Variants in PIBF1 observed in about 807,000 individuals in gnomAD.
The protein encoded by PIBF1 is progesterone immunomodulatory binding factor 1.
In PIBF1, 90 loss-of-function variants were observed where a neutral mutation model predicts 112.5. The observed-to-expected ratio is 0.80, with a 90% CI of 0.67 to 0.95. PIBF1 has a LOEUF of 0.95. PIBF1 is among the 40% of genes least tolerant of loss of function. PIBF1 has a pLI of 0.00. For synonymous variants in PIBF1, 301 were observed against 288.6 expected, an observed-to-expected ratio of 1.04 and a Z score of -0.44; for missense variants, 915 against 852.3, an observed-to-expected ratio of 1.07 and a Z score of -0.92.
intron 5 of PIBF1, among the ~76,000 whole-genome samples, chr13:72,809,578 G>GTTTTTTTTTTTT (rs976000443): frequency 7.2e-6 from 1 of 138,492 alleles, no homozygotes; most frequent in Non-Finnish European, 1.6e-5. Flanking sequence ...TTAATAGAAG[G>GTTTTTTTTTTTT]TTTTTTTTTG....
chr13:72,798,316 C>T (rs2035297916), intron 5 of PIBF1, among the ~76,000 whole-genome samples: 1 of 152,242 alleles, frequency 6.6e-6, no homozygotes, highest in Non-Finnish European at 1.5e-5. Context: ...CTGAAAATTG[C>T]TGTGTATCCT....
At chr13:72,979,457 G>A (rs753166587) in intron 16 of PIBF1, among the ~76,000 whole-genome samples, 3 of 152,102 alleles carry the variant, frequency 2.0e-5, no homozygotes, top group Admixed American at 6.6e-5. Context: ...GAGCTCAGTC[G>A]TTAGAAGCTG....
chr13:72,908,119 A>G (rs2040763513), intron 11 of PIBF1, among the ~76,000 whole-genome samples: 2 of 152,184 alleles, frequency 1.3e-5, no homozygotes, highest in Admixed American at 1.3e-4. Flanking sequence ...CTGATGGAAA[A>G]TTGAAGGATT....
At chr13:72,908,444 G>C (rs973095983) in intron 11 of PIBF1, 87 bp from the exon 12 acceptor site, 2 of 640,306 alleles carry the variant, frequency 3.1e-6, no homozygotes, top group Admixed American at 3.6e-5. Context: ...AACAAAAAAA[G>C]CCCTATGAAT....
At chr13:73,008,426 G>A (rs1339850730) in intron 17 of PIBF1, among the ~76,000 whole-genome samples, 1 of 152,128 alleles carries the variant, frequency 6.6e-6, no homozygotes, top group African/African-American at 2.4e-5. Flanking sequence ...ATAGTAGAAA[G>A]GCTTGAATAG....
chr13:72,883,644 C>T (rs2039730341), intron 10 of PIBF1, among the ~76,000 whole-genome samples: 1 of 152,138 alleles, frequency 6.6e-6, no homozygotes, highest in African/African-American at 2.4e-5. Context: ...TGTGCCACCA[C>T]ACCAGCTAAT....
intron 12 of PIBF1, among the ~76,000 whole-genome samples, chr13:72,916,606 A>G (rs2041105035): frequency 6.6e-6 from 1 of 152,020 alleles, no homozygotes. Flanking sequence ...AGAGCTGCAC[A>G]GTTTTTAATA....
intron 15 of PIBF1, among the ~76,000 whole-genome samples, chr13:72,967,791 A>G (rs1349367225): frequency 6.6e-6 from 1 of 152,194 alleles, no homozygotes; most frequent in Non-Finnish European, 1.5e-5. Context: ...TTTAAAAGGA[A>G]GTTTTCAAAT....
At chr13:72,895,553 G>C (rs2325484) in intron 11 of PIBF1, among the ~76,000 whole-genome samples, 48,665 of 151,714 alleles carry the variant, frequency 0.32, 8,892 homozygotes, top group Admixed American at 0.48. Context: ...TCACTGATAA[G>C]TACCAAAATA....
intron 3 of PIBF1, among the ~76,000 whole-genome samples, chr13:72,792,840 T>C (rs981175947): frequency 6.6e-6 from 1 of 152,222 alleles, no homozygotes; most frequent in Non-Finnish European, 1.5e-5. Context: ...ACGCAACATA[T>C]TGATTGATTC....
At chr13:72,840,590 C>T (rs1480182359) in intron 9 of PIBF1, among the ~76,000 whole-genome samples, 1 of 147,298 alleles carries the variant, frequency 6.8e-6, no homozygotes, top group Non-Finnish European at 1.5e-5. Context: ...GTGGCGTGAT[C>T]TCAGCTCACT....
At chr13:72,908,712 C>CTT in intron 12 of PIBF1, 31 bp downstream of exon 12, 52 of 1,431,450 alleles carry the variant, frequency 3.6e-5, no homozygotes, top group South Asian at 1.1e-4. Context: ...ACATGCACAA[C>CTT]TTTTTTTTTT....
chr13:72,820,474 A>G (rs2036502697), intron 5 of PIBF1, among the ~76,000 whole-genome samples: 1 of 152,136 alleles, frequency 6.6e-6, no homozygotes, highest in Non-Finnish European at 1.5e-5. Flanking sequence ...TCTCATGGAA[A>G]ACTTCAGCGT....
chr13:72,968,357 A>G (rs1414701311), intron 15 of PIBF1, among the ~76,000 whole-genome samples: 3 of 150,254 alleles, frequency 2.0e-5, no homozygotes, highest in South Asian at 2.1e-4. Context: ...CTGGAGTGCA[A>G]TGGCGCGATC....
chr13:72,815,597 G>A (rs548450369), intron 5 of PIBF1, among the ~76,000 whole-genome samples: 1 of 152,148 alleles, frequency 6.6e-6, no homozygotes, highest in Non-Finnish European at 1.5e-5. Context: ...ATTTGCAGGG[G>A]TTGTTGGAGG....
chr13:72,885,321 A>G (rs1169993333), intron 10 of PIBF1, among the ~76,000 whole-genome samples: 1 of 152,146 alleles, frequency 6.6e-6, no homozygotes, highest in African/African-American at 2.4e-5. Flanking sequence ...CCTGGAAACA[A>G]TAATCTTAAT....
intron 5 of PIBF1, among the ~76,000 whole-genome samples, chr13:72,807,694 G>T (rs1349823707): frequency 6.6e-6 from 1 of 152,192 alleles, no homozygotes; most frequent in Non-Finnish European, 1.5e-5. Flanking sequence ...TTGGAGGAAG[G>T]TCTCAAAAGG....
chr13:72,824,068 C>T (rs1044462989), intron 6 of PIBF1, among the ~76,000 whole-genome samples: 3 of 152,086 alleles, frequency 2.0e-5, no homozygotes, highest in Non-Finnish European at 4.4e-5. Context: ...GGCTGGAGTG[C>T]AATGGCACGA....
intron 13 of PIBF1, among the ~76,000 whole-genome samples, chr13:72,922,117 T>C (rs1462510690): frequency 1.3e-5 from 2 of 152,098 alleles, no homozygotes; most frequent in African/African-American, 4.8e-5. Context: ...TAGCTAGGCA[T>C]GCACGCTGTA....
Sources: gnomAD v4.1 joint callset for allele counts (sites outside exome capture counted in the v4.1 genomes callset) on GRCh38, gnomAD v4.1.1 for gene constraint, MANE v1.5 for transcripts, NCBI Gene and HGNC (gene_info 2026-07-23, HGNC 2026-07-21) for gene names.